The following KDM2A variants were observed in gnomAD, a reference collection of about 807,000 sequenced individuals.
The protein encoded by KDM2A is lysine-specific demethylase 2A.
In KDM2A, 3 loss-of-function variants were observed where a neutral mutation model predicts 137.3. The ratio of observed to expected loss-of-function variants is 0.02; its 90% CI spans 0.01 to 0.06. KDM2A has a LOEUF of 0.06. Ranked by LOEUF, KDM2A falls within the 10% of genes least tolerant of loss-of-function variation. The pLI is 1.00. For missense variants in KDM2A, 738 were observed against 1,510.6 expected, an observed-to-expected ratio of 0.49 and a Z score of 8.48; for synonymous variants, 512 against 541.5, an observed-to-expected ratio of 0.95 and a Z score of 0.76.
intron 2 of KDM2A, among the ~76,000 whole-genome samples, chr11:67,174,993 C>A (rs992824838): frequency 3.3e-5 from 5 of 152,086 alleles, no homozygotes; most frequent in Non-Finnish European, 7.4e-5. Context: ...TGAAAAGCAT[C>A]TAGAATAAAA....
chr11:67,215,068 C>T (rs1355878978), intron 6 of KDM2A, among the ~76,000 whole-genome samples: 2 of 152,098 alleles, frequency 1.3e-5, no homozygotes, highest in African/African-American at 4.8e-5. Flanking sequence ...TAGTTATACA[C>T]TATTGCATAA....
chr11:67,190,675 C>G (rs1289409218), intron 5 of KDM2A, among the ~76,000 whole-genome samples: 2 of 151,922 alleles, frequency 1.3e-5, no homozygotes, highest in Non-Finnish European at 2.9e-5. Context: ...TCATGAGAAT[C>G]GCTTGAACTG....
intron 2 of KDM2A, among the ~76,000 whole-genome samples, chr11:67,167,458 A>G (rs1210119806): frequency 6.6e-6 from 1 of 152,182 alleles, no homozygotes; most frequent in Non-Finnish European, 1.5e-5. Context: ...GGGTAAGTGT[A>G]TCCCGACTCT....
chr11:67,171,061 C>T (rs889878367), intron 2 of KDM2A, among the ~76,000 whole-genome samples: 1 of 152,094 alleles, frequency 6.6e-6, no homozygotes, highest in Non-Finnish European at 1.5e-5. Flanking sequence ...TTAATACATG[C>T]ATAGTGCTTG....
intron 2 of KDM2A, among the ~76,000 whole-genome samples, chr11:67,129,239 T>C (rs1855796856): frequency 6.6e-6 from 1 of 152,218 alleles, no homozygotes; most frequent in African/African-American, 2.4e-5. Context: ...ACCACATTGA[T>C]GATGTTTGGT....
At chr11:67,216,308 A>G (rs2136395801) in intron 8 of KDM2A, among the ~76,000 whole-genome samples, 1 of 152,358 alleles carries the variant, frequency 6.6e-6, no homozygotes, top group South Asian at 2.1e-4. Context: ...AATTTTGGAT[A>G]GATTCACTGT....
At chr11:67,187,500 CTATACT>C (rs1388148096) in intron 5 of KDM2A, among the ~76,000 whole-genome samples, 12 of 151,948 alleles carry the variant, frequency 7.9e-5, no homozygotes, top group African/African-American at 2.7e-4. Flanking sequence ...GCAGGGGTAG[CTATACT>C]TATATCAGAT....
intron 5 of KDM2A, among the ~76,000 whole-genome samples, chr11:67,191,791 G>A (rs977617547): frequency 6.6e-6 from 1 of 152,198 alleles, no homozygotes; most frequent in South Asian, 2.1e-4. Flanking sequence ...AAAGGCGCCT[G>A]CTTTTACTGC....
intron 5 of KDM2A, among the ~76,000 whole-genome samples, chr11:67,187,600 C>T (rs979564789): frequency 1.5e-4 from 22 of 142,880 alleles, no homozygotes; most frequent in Admixed American, 9.5e-4. Flanking sequence ...TTTGAGATGA[C>T]GTCTTGCTCT....
rs961985711 is a variant in KDM2A at position 67,254,676 on chromosome 11, G to A, written c.3308-198G>A. 1.3e-5 allele frequency among the ~76,000 whole-genome samples: 2 copies of A among 152,174 alleles called. No homozygotes were observed. The highest frequency in any genetic ancestry group is 2.4e-5 in the African/African-American group (1 of 41,446). ...GGTCAGCCTTGCAGCCCTTGTGCTT[G>A]TTGTCATATGGTGATGGGAGTGAGG... On this transcript the variant is annotated intron_variant, in intron 20 of 20. Transcript: ENST00000529006. This position sits in a 1 kb window ranked among gnomAD's most constrained non-coding sequence, Gnocchi z 4.7.
intron 2 of KDM2A, among the ~76,000 whole-genome samples, chr11:67,132,840 C>G (rs898142039): frequency 1.3e-5 from 2 of 152,164 alleles, no homozygotes; most frequent in African/African-American, 4.8e-5. Flanking sequence ...ACCAGAAACT[C>G]TGGAGTTGGG....
chr11:67,121,486 G>A (rs1295077932), intron 2 of KDM2A, 128 bp downstream of exon 2: 3 of 788,558 alleles, frequency 3.8e-6, no homozygotes, highest in Middle Eastern at 2.3e-4. Context: ...CACCAGAGGA[G>A]GGGGAAAGGT....
Position 67,245,168 on chromosome 11 carries a change from C to A in KDM2A, c.1564-21C>A. On this transcript the variant is annotated intron_variant, in intron 13 of 20. Transcript: ENST00000529006. This position sits in a 1 kb window ranked among gnomAD's most constrained non-coding sequence, Gnocchi z 4.1. ...CTTAAAGCAACCTGATATATTTGAC[C>A]TCACTGCTTTCTCTTTCCAGCTTAA... 1 of 1,610,026 alleles carries A rather than the reference C, an allele frequency of 6.2e-7. No individual in the cohort carries two copies. The highest frequency in any genetic ancestry group is 8.5e-7 in the Non-Finnish European group (1 of 1,177,578).
chr11:67,187,057 T>C (rs1359419649), intron 5 of KDM2A, among the ~76,000 whole-genome samples: 4 of 152,202 alleles, frequency 2.6e-5, no homozygotes, highest in Non-Finnish European at 4.4e-5. Context: ...CTTTGAATAG[T>C]AGTGAAGTCA....
At chr11:67,158,121 A>C (rs563367575) in intron 2 of KDM2A, among the ~76,000 whole-genome samples, 1 of 152,060 alleles carries the variant, frequency 6.6e-6, no homozygotes, top group African/African-American at 2.4e-5. Context: ...TCTCCCCCAT[A>C]CACCAGCAAC....
At chr11:67,158,628 T>A (rs1305800137) in intron 2 of KDM2A, among the ~76,000 whole-genome samples, 3 of 152,216 alleles carry the variant, frequency 2.0e-5, no homozygotes, top group Admixed American at 1.3e-4. Context: ...AACTTGCAAC[T>A]CCCTAATGAT....
chr11:67,169,374 C>G (rs1000455172), intron 2 of KDM2A, among the ~76,000 whole-genome samples: 1 of 147,758 alleles, frequency 6.8e-6, no homozygotes, highest in Non-Finnish European at 1.5e-5. Context: ...TTCTTTCTTT[C>G]TTTTTCTTTT....
intron 1 of KDM2A, among the ~76,000 whole-genome samples, 169 bp from the exon 2 acceptor site, chr11:67,121,065 G>A (rs769839540): frequency 3.3e-5 from 5 of 152,088 alleles, no homozygotes; most frequent in Non-Finnish European, 7.3e-5. Context: ...GATTAATGTT[G>A]AACATGACAT....
At position 67,250,668 on chromosome 11, in the gene KDM2A, G is replaced by A. The variant is rs1442326349; in HGVS notation, c.2638G>A (p.Gly880Ser). Reference protein sequence around the residue: ...AEEGGAARLNGRGSWAQDGDE... With the variant: ...AEEGGAARLNSRGSWAQDGDE... ...GGAGGGGGGTGCAGCCAGGCTGAAT[G>A]GCCGGGGCAGTTGGGCTCAGGATGG... is the stretch of plus-strand genomic sequence containing the variant. Residue 880 changes from glycine to serine, a missense_variant, in exon 17 of 21, where the codon GGC (glycine) becomes AGC (serine). By Grantham distance (56) the Gly-to-Ser change is moderately conservative. Coordinates refer to ENST00000529006, the MANE Select transcript of KDM2A (RefSeq NM_012308.3). This position sits in a 1 kb window ranked among gnomAD's most constrained non-coding sequence, Gnocchi z 7.1. 6.2e-7 allele frequency: 1 copy of A among 1,606,176 alleles called. No homozygotes were observed.
Sources: allele counts gnomAD v4.1 joint callset (sites outside exome capture counted in the v4.1 genomes callset), GRCh38; gene constraint gnomAD v4.1.1; non-coding constraint Gnocchi (gnomAD v3.1); transcripts MANE v1.5; gene names NCBI Gene and HGNC (gene_info 2026-07-23, HGNC 2026-07-21).